The following DCLK1 variants were observed in gnomAD, a reference collection of about 807,000 sequenced individuals.
The protein encoded by DCLK1 is doublecortin like kinase 1.
DCLK1 carries 16 observed loss-of-function variants against 86.2 expected under a neutral mutation model. That is an observed-to-expected ratio of 0.19 (90% CI 0.13 to 0.28). The LOEUF (loss-of-function observed/expected upper bound fraction) is 0.28. Ranked by LOEUF, DCLK1 falls within the 10% of genes least tolerant of loss-of-function variation. The pLI is 1.00. For synonymous variants in DCLK1, 369 were observed against 370.5 expected, an observed-to-expected ratio of 1.00 and a Z score of 0.05; for missense variants, 590 against 940.2, an observed-to-expected ratio of 0.63 and a Z score of 4.87.
chr13:35,807,372 C>T (rs1043071761), intron 14 of DCLK1, among the ~76,000 whole-genome samples: 2 of 152,150 alleles, frequency 1.3e-5, no homozygotes, highest in African/African-American at 2.4e-5. Flanking sequence ...AAACAATGAA[C>T]CTTGTGTTTT....
chr13:36,000,602 A>T (rs778712502), intron 3 of DCLK1, among the ~76,000 whole-genome samples: 2 of 152,186 alleles, frequency 1.3e-5, no homozygotes, highest in African/African-American at 2.4e-5. Context: ...AAAGTCATCG[A>T]AAGCAACCTA....
chr13:35,931,542 A>C (rs1203067444), intron 4 of DCLK1, among the ~76,000 whole-genome samples: 2 of 152,134 alleles, frequency 1.3e-5, no homozygotes, highest in Admixed American at 6.5e-5. Flanking sequence ...CTATCAAATA[A>C]GTTTATATTC....
At chr13:36,105,937 G>C (rs913724114) in intron 3 of DCLK1, among the ~76,000 whole-genome samples, 3 of 152,142 alleles carry the variant, frequency 2.0e-5, no homozygotes, top group African/African-American at 7.2e-5. Context: ...AGCTGTCATA[G>C]AAGCAAGAGA....
At chr13:36,060,030 C>G (rs1441254231) in intron 3 of DCLK1, among the ~76,000 whole-genome samples, 1 of 152,010 alleles carries the variant, frequency 6.6e-6, no homozygotes, top group African/African-American at 2.4e-5. Context: ...CACCACCAAG[C>G]CCGGCTAATT....
chr13:36,032,917 TACAA>T (rs1273260777), intron 3 of DCLK1, among the ~76,000 whole-genome samples: 1 of 152,148 alleles, frequency 6.6e-6, no homozygotes, highest in Non-Finnish European at 1.5e-5. Flanking sequence ...TTCCTTATAA[TACAA>T]ACAAACAAGC....
intron 3 of DCLK1, among the ~76,000 whole-genome samples, chr13:36,100,350 GC>G (rs1249211493): frequency 1.3e-5 from 2 of 152,064 alleles, no homozygotes; most frequent in Non-Finnish European, 2.9e-5. Context: ...CTGTACTCTA[GC>G]CTGGGTGACA....
chr13:35,969,573 C>T (rs770282776), intron 3 of DCLK1, among the ~76,000 whole-genome samples: 4 of 152,140 alleles, frequency 2.6e-5, no homozygotes, highest in Non-Finnish European at 4.4e-5. Context: ...TGTTTTAAGC[C>T]AAGTTTGTGA....
chr13:35,958,871 G>C (rs978016256), intron 3 of DCLK1, among the ~76,000 whole-genome samples: 2 of 152,174 alleles, frequency 1.3e-5, no homozygotes, highest in Non-Finnish European at 2.9e-5. Context: ...ATATTTGAGA[G>C]CAAGTGAGCT....
At chr13:35,827,374 A>G (rs1332422991) in intron 10 of DCLK1, among the ~76,000 whole-genome samples, 1 of 152,202 alleles carries the variant, frequency 6.6e-6, no homozygotes, top group Admixed American at 6.5e-5. Flanking sequence ...AACACCATTA[A>G]GCAGATATTA....
intron 4 of DCLK1, among the ~76,000 whole-genome samples, chr13:35,878,531 A>G (rs1453544938): frequency 6.6e-6 from 1 of 152,062 alleles, no homozygotes; most frequent in Non-Finnish European, 1.5e-5. Flanking sequence ...AGTGGGGGGG[A>G]AATGGGGATG....
chr13:36,028,865 C>T (rs937117832), intron 3 of DCLK1, among the ~76,000 whole-genome samples: 3 of 152,170 alleles, frequency 2.0e-5, no homozygotes, highest in Non-Finnish European at 4.4e-5. Context: ...AGTGCCATGA[C>T]ATTTTATAGA....
chr13:35,963,621 C>T (rs1878574587), intron 3 of DCLK1, among the ~76,000 whole-genome samples: 1 of 152,042 alleles, frequency 6.6e-6, no homozygotes, highest in African/African-American at 2.4e-5. Flanking sequence ...ACTTTGTATC[C>T]CCACCCAAAT....
At chr13:36,070,097 A>G (rs905123197) in intron 3 of DCLK1, among the ~76,000 whole-genome samples, 4 of 152,216 alleles carry the variant, frequency 2.6e-5, no homozygotes, top group Non-Finnish European at 4.4e-5. Flanking sequence ...GGAAGCTCAG[A>G]ATATGACCAT....
chr13:36,077,281 A>G (rs1884246473), intron 3 of DCLK1, among the ~76,000 whole-genome samples: 1 of 152,176 alleles, frequency 6.6e-6, no homozygotes. Flanking sequence ...TTGCAAACAT[A>G]ATTATTTTCC....
intron 4 of DCLK1, among the ~76,000 whole-genome samples, chr13:35,947,057 T>C (rs1276633084): frequency 3.9e-5 from 6 of 152,092 alleles, no homozygotes; most frequent in African/African-American, 1.4e-4. Context: ...GAAAAAAAAA[T>C]TAAAAATGTA....
intron 4 of DCLK1, among the ~76,000 whole-genome samples, chr13:35,892,196 C>T (rs1401014110): frequency 6.6e-6 from 1 of 152,130 alleles, no homozygotes; most frequent in African/African-American, 2.4e-5. Context: ...TGAACACCTG[C>T]ACTGATTATT....
At chr13:36,092,782 G>A (rs1216850223) in intron 3 of DCLK1, among the ~76,000 whole-genome samples, 6 of 151,080 alleles carry the variant, frequency 4.0e-5, no homozygotes, top group African/African-American at 1.2e-4. Flanking sequence ...CACCGCGCCC[G>A]GCCGCGAGAG....
chr13:35,771,519 A>G lies in DCLK1; in HGVS notation c.*3016T>C, dbSNP rs765044525. On this transcript the variant is annotated 3_prime_UTR_variant, in exon 17 of 17. Transcript: ENST00000360631. Reference sequence around the variant, plus strand: ...TGACGAATAAAATGATTTCTGCTACAATGTTGAGAAAAAATGTGTTCATTA... The same window carrying G: ...TGACGAATAAAATGATTTCTGCTACGATGTTGAGAAAAAATGTGTTCATTA... The G allele has an allele frequency of 2.8e-4, 43 of 152,226 alleles. No homozygotes were observed. The highest frequency in any genetic ancestry group is 5.6e-4 in the Non-Finnish European group (38 of 68,044). 9.4% of individuals were successfully genotyped at this position (152,226 alleles called of 1,614,324 possible). A position where few individuals can be genotyped will look rare whatever the true frequency, so the allele number is the denominator to read the frequency against.
chr13:36,027,988 CCA>C (rs1566651578), intron 3 of DCLK1, among the ~76,000 whole-genome samples: 1 of 152,148 alleles, frequency 6.6e-6, no homozygotes, highest in Non-Finnish European at 1.5e-5. Flanking sequence ...CCTTAGCCTC[CCA>C]AAGTGCTGTG....
Sources: allele counts gnomAD v4.1 joint callset (sites outside exome capture counted in the v4.1 genomes callset), GRCh38; gene constraint gnomAD v4.1.1; transcripts MANE v1.5; gene names NCBI Gene and HGNC (gene_info 2026-07-23, HGNC 2026-07-21).